CFAP77: variants seen among roughly 807,000 people sequenced by gnomAD.
CFAP77 encodes cilia and flagella associated protein 77.
A neutral mutation model predicts 31.1 loss-of-function variants in CFAP77; 25 were observed. That is an observed-to-expected ratio of 0.80 (90% confidence interval 0.59 to 1.12). The LOEUF is 1.12. CFAP77 is among the 50% of genes most tolerant of loss of function. The pLI is 0.00. For missense variants in CFAP77, 377 were observed against 397.3 expected, an observed-to-expected ratio of 0.95 and a Z score of 0.44; for synonymous variants, 151 against 159.9, an observed-to-expected ratio of 0.94 and a Z score of 0.42.
Position 132,442,098 on chromosome 9 carries a change from G to A in CFAP77, c.195+31632G>A, listed in dbSNP as rs144217014. Among the ~76,000 whole-genome samples the A allele has an allele frequency of 3.4e-3, 522 of 152,222 alleles. 6 individuals are homozygous for A. Among genetic ancestry groups the A allele is most frequent in the African/African-American group, 0.012 (492 of 41,528 alleles). On this transcript the variant is annotated intron_variant, in intron 1 of 5. Coordinates refer to ENST00000393216, the MANE Select transcript of CFAP77 (RefSeq NM_001282957.2). Reference sequence around the variant, plus strand: ...TGATCTAGGTACTAGGAATACAGGCGGTAAGACAGACATAGCCCCCGCCCT... The same window carrying A: ...TGATCTAGGTACTAGGAATACAGGCAGTAAGACAGACATAGCCCCCGCCCT...
chr9:132,447,596 T>C (rs1017022003), intron 1 of CFAP77, among the ~76,000 whole-genome samples: 8 of 152,328 alleles, frequency 5.3e-5, no homozygotes, highest in African/African-American at 1.7e-4. Flanking sequence ...CTGCGGTCGG[T>C]CCGCGTAGAT....
chr9:132,510,603 G>A (rs994253954), intron 3 of CFAP77, among the ~76,000 whole-genome samples: 10 of 152,300 alleles, frequency 6.6e-5, no homozygotes, highest in East Asian at 1.9e-4. Context: ...CAGAATGAGC[G>A]CGTCATGCAG....
chr9:132,425,973 C>G (rs772317660), intron 1 of CFAP77, among the ~76,000 whole-genome samples: 1 of 152,200 alleles, frequency 6.6e-6, no homozygotes, highest in Non-Finnish European at 1.5e-5. Flanking sequence ...GAAACCGGGT[C>G]ATTATACCAT....
At chr9:132,519,329 T>C (rs1175657947) in intron 3 of CFAP77, among the ~76,000 whole-genome samples, 1 of 140,018 alleles carries the variant, frequency 7.1e-6, no homozygotes, top group South Asian at 2.5e-4. Flanking sequence ...AATGAATGGA[T>C]GGATGGATGG....
rs567061180 is a variant in CFAP77 at position 132,533,025 on chromosome 9, G to A, written c.525-4576G>A. On this transcript the variant is annotated intron_variant, in intron 3 of 5. Transcript: ENST00000393216. ...TTTACATAGCTGCACAGAAATAATC[G>A]CCTGCACCTTCATGGGACTTTGGGA... Among the ~76,000 whole-genome samples the A allele has an allele frequency of 5.9e-5, 9 of 152,252 alleles. No homozygotes were observed. In the South Asian group the frequency reaches 1.5e-3, roughly 25 times the overall value.
chr9:132,474,459 G>A (rs986516409), intron 1 of CFAP77, among the ~76,000 whole-genome samples: 4 of 152,192 alleles, frequency 2.6e-5, no homozygotes, highest in African/African-American at 4.8e-5. Flanking sequence ...CTGGTGGGGC[G>A]CAGGGATGCG....
chr9:132,467,587 A>G (rs1323078483), intron 1 of CFAP77, among the ~76,000 whole-genome samples: 1 of 152,134 alleles, frequency 6.6e-6, no homozygotes, highest in Admixed American at 6.5e-5. Flanking sequence ...TTGTTTGTTC[A>G]TTCTTCCATC....
intron 5 of CFAP77, among the ~76,000 whole-genome samples, chr9:132,557,133 G>GT (rs1341853121): frequency 3.9e-5 from 6 of 152,206 alleles, no homozygotes; most frequent in Non-Finnish European, 5.9e-5. Flanking sequence ...TGGGGTGTGT[G>GT]TGTGCAGGGT....
intron 1 of CFAP77, chr9:132,482,252 T>C (rs1851461128): frequency 8.6e-7 from 1 of 1,166,000 alleles, no homozygotes; most frequent in Non-Finnish European, 1.3e-6. Context: ...CTGCTGGCTG[T>C]GACCCTTGAC....
intron 3 of CFAP77, among the ~76,000 whole-genome samples, chr9:132,525,176 C>T (rs957415936): frequency 4.6e-5 from 7 of 151,772 alleles, no homozygotes; most frequent in African/African-American, 1.5e-4. Flanking sequence ...TGCGCCACCA[C>T]GCCTGGCTGA....
chr9:132,452,807 G>GA (rs1473190452), intron 1 of CFAP77, among the ~76,000 whole-genome samples: 2 of 152,282 alleles, frequency 1.3e-5, no homozygotes, highest in East Asian at 3.9e-4. Flanking sequence ...AAACAGCCTG[G>GA]AGACCCACTG....
intron 1 of CFAP77, among the ~76,000 whole-genome samples, chr9:132,444,692 C>T (rs1253050056): frequency 6.6e-6 from 1 of 152,132 alleles, no homozygotes; most frequent in African/African-American, 2.4e-5. Flanking sequence ...TGGTAAAATA[C>T]TGACTTTTGC....
At chr9:132,570,700 A>G (rs996737756) in intron 5 of CFAP77, among the ~76,000 whole-genome samples, 4 of 152,186 alleles carry the variant, frequency 2.6e-5, no homozygotes, top group Non-Finnish European at 5.9e-5. Flanking sequence ...GGAAGAACGG[A>G]GTCTCTGGTC....
intron 5 of CFAP77, among the ~76,000 whole-genome samples, chr9:132,551,529 CCAGT>C (rs975442621): frequency 2.6e-5 from 4 of 152,322 alleles, no homozygotes; most frequent in Non-Finnish European, 5.9e-5. Context: ...CTCCTGGCCT[CCAGT>C]GATCCGCCCA....
At chr9:132,530,522 C>T (rs1169714945) in intron 3 of CFAP77, among the ~76,000 whole-genome samples, 2 of 152,048 alleles carry the variant, frequency 1.3e-5, no homozygotes, top group South Asian at 4.1e-4. Context: ...TGATCTGCCC[C>T]CCTCGGCCTC....
intron 1 of CFAP77, among the ~76,000 whole-genome samples, chr9:132,467,337 A>G (rs910824233): frequency 5.3e-5 from 8 of 152,278 alleles, no homozygotes; most frequent in Admixed American, 5.2e-4. Flanking sequence ...CCCATTAAAC[A>G]ACATCTCCCC....
Position 132,455,561 on chromosome 9 carries a change from C to T in CFAP77, c.196-43134C>T, listed in dbSNP as rs1295708007. ...CCTGGGCAACATGGCGAGACCCTAT[C>T]TCTACTAAAAATACAAAAAAATAGC... On this transcript the variant is annotated intron_variant, in intron 1 of 5. Transcript: ENST00000393216. The surrounding 1 kb of genome is among the most constrained non-coding windows in gnomAD (Gnocchi z 4.1). Among the ~76,000 whole-genome samples the T allele has an allele frequency of 6.6e-6, 1 of 151,442 alleles. No homozygotes were observed. The highest frequency in any genetic ancestry group is 1.5e-5 in the Non-Finnish European group (1 of 67,912).
intron 1 of CFAP77, among the ~76,000 whole-genome samples, chr9:132,483,643 C>G (rs549074300): frequency 1.1e-4 from 16 of 150,738 alleles, no homozygotes; most frequent in Admixed American, 2.0e-4. Flanking sequence ...TTCAGACATG[C>G]TTCCCCAGCT....
intron 3 of CFAP77, among the ~76,000 whole-genome samples, chr9:132,529,946 A>G (rs1852411004): frequency 6.6e-6 from 1 of 151,840 alleles, no homozygotes; most frequent in Admixed American, 6.6e-5. Flanking sequence ...GTGCATCCTC[A>G]TTTGGTAGTG....
Sources: gnomAD v4.1 joint callset for allele counts (sites outside exome capture counted in the v4.1 genomes callset) on GRCh38, gnomAD v4.1.1 for gene constraint, Gnocchi (gnomAD v3.1) non-coding constraint, MANE v1.5 for transcripts, NCBI Gene and HGNC (gene_info 2026-07-23, HGNC 2026-07-21) for gene names.